Variants in SLC20A2 observed in about 807,000 individuals in gnomAD.
The protein encoded by SLC20A2 is sodium-dependent phosphate transporter 2.
A neutral mutation model predicts 61.0 loss-of-function variants in SLC20A2; 30 were observed. The ratio of observed to expected loss-of-function variants is 0.49; its 90% CI spans 0.37 to 0.67. The LOEUF is 0.67. Ranked by LOEUF, SLC20A2 falls within the 30% of genes least tolerant of loss-of-function variation. SLC20A2 has a pLI of 0.00. For synonymous variants in SLC20A2, 351 were observed against 353.3 expected, an observed-to-expected ratio of 0.99 and a Z score of 0.07; for missense variants, 626 against 866.4, an observed-to-expected ratio of 0.72 and a Z score of 3.48.
At chr8:42,474,168 C>T (rs1383032496) in intron 1 of SLC20A2, among the ~76,000 whole-genome samples, 4 of 151,858 alleles carry the variant, frequency 2.6e-5, no homozygotes, top group African/African-American at 9.7e-5. Context: ...GAGACTCCAT[C>T]TCAAAAATAA....
At chr8:42,421,364 A>G (rs1803024702) in intron 10 of SLC20A2, among the ~76,000 whole-genome samples, 1 of 152,084 alleles carries the variant, frequency 6.6e-6, no homozygotes, top group Non-Finnish European at 1.5e-5. Flanking sequence ...ATTCTGAGAT[A>G]ACTTTTATTT....
At chr8:42,538,135 A>C (rs1335911727) in intron 1 of SLC20A2, 2 of 151,932 alleles carry the variant, frequency 1.3e-5, no homozygotes, top group Non-Finnish European at 2.9e-5. Context: ...ACTAAAATAT[A>C]ACCTACCATT....
chr8:42,417,876 G>A lies in SLC20A2; in HGVS notation c.1886C>T (p.Thr629Ile). The A allele has an allele frequency of 6.2e-7, 1 of 1,614,108 alleles. No individual in the cohort carries two copies. The highest frequency in any genetic ancestry group is 8.5e-7 in the Non-Finnish European group (1 of 1,180,024). ...FRNIFVAWFVTVPVAGLFSAA... is the reference protein window; with the variant it reads ...FRNIFVAWFVIVPVAGLFSAA... ...GCTGAACAGCCCAGCCACAGGGACG[G>A]TCACGAACCAGGCCACGAAGATGTT... The change falls in exon 11 of 11, where the codon ACC (threonine) becomes ATC (isoleucine). Residue 629 changes from threonine (T) to isoleucine (I), a missense_variant. This residue lies in a region of SLC20A2 where 138 missense variants were observed against 228.7 expected (regional missense o/e 0.60). Transcript: ENST00000520262.
At chr8:42,458,866 G>A (rs969095815) in intron 5 of SLC20A2, among the ~76,000 whole-genome samples, 3 of 148,330 alleles carry the variant, frequency 2.0e-5, no homozygotes, top group East Asian at 2.0e-4. Flanking sequence ...CCAAGATAGC[G>A]CCACTGCACT....
chr8:42,535,061 C>T (rs1240489840), intron 1 of SLC20A2: 1 of 152,186 alleles, frequency 6.6e-6, no homozygotes, highest in African/African-American at 2.4e-5. Flanking sequence ...TTCAGCTGCT[C>T]AAAAATCCTC....
At position 42,444,801 on chromosome 8, in the gene SLC20A2, C is replaced by T. The variant is rs749265269; in HGVS notation, c.614-39G>A. The T allele has an allele frequency of 1.4e-5, 22 of 1,527,972 alleles. No homozygotes were observed. In the South Asian group the frequency reaches 2.5e-4, roughly 17 times the overall value. 94.7% of individuals were successfully genotyped at this position (1,527,972 alleles called of 1,614,324 possible). On this transcript the variant is annotated intron_variant, in intron 5 of 10. Coordinates refer to ENST00000520262, the MANE Select transcript of SLC20A2 (RefSeq NM_001257180.2). ...TGAGAAGCAGTGTCATTACTGGAAA[C>T]TTCTGCAAGGTCAGGCCTCAGGGCG... is the stretch of plus-strand genomic sequence containing the variant.
intron 1 of SLC20A2, among the ~76,000 whole-genome samples, chr8:42,523,710 C>G (rs1433599452): frequency 6.6e-6 from 1 of 152,128 alleles, no homozygotes; most frequent in Non-Finnish European, 1.5e-5. Flanking sequence ...AAAACAAATG[C>G]AAAATCAACA....
chr8:42,535,658 T>G (rs1168523921), intron 1 of SLC20A2, among the ~76,000 whole-genome samples: 1 of 152,248 alleles, frequency 6.6e-6, no homozygotes, highest in African/African-American at 2.4e-5. Context: ...TAAATCTTGG[T>G]ACCACTGAAC....
At chr8:42,448,122 G>A (rs554478904) in intron 5 of SLC20A2, among the ~76,000 whole-genome samples, 18 of 152,188 alleles carry the variant, frequency 1.2e-4, no homozygotes, top group South Asian at 6.2e-4. Context: ...CTTTACCAAC[G>A]TCAAACTAAC....
intron 5 of SLC20A2, among the ~76,000 whole-genome samples, chr8:42,455,241 A>AATATAT (rs71548582): frequency 7.2e-4 from 74 of 102,554 alleles, no homozygotes; most frequent in African/African-American, 3.4e-3. Flanking sequence ...AAAAAAAAAA[A>AATATAT]ATATATATAT....
intron 5 of SLC20A2, among the ~76,000 whole-genome samples, chr8:42,452,652 AGAG>A (rs1805834413): frequency 6.7e-6 from 1 of 149,478 alleles, no homozygotes; most frequent in Non-Finnish European, 1.5e-5. Context: ...GAAGAGATAA[AGAG>A]GAGGAGACAG....
chr8:42,524,733 C>T (rs1057205328), intron 1 of SLC20A2, among the ~76,000 whole-genome samples: 6 of 151,784 alleles, frequency 4.0e-5, no homozygotes, highest in African/African-American at 1.5e-4. Context: ...TTACAGTGAG[C>T]CAAGACTGTG....
intron 5 of SLC20A2, among the ~76,000 whole-genome samples, chr8:42,449,128 C>T (rs1026717386): frequency 6.6e-6 from 1 of 152,110 alleles, no homozygotes; most frequent in South Asian, 2.1e-4. Flanking sequence ...TGGTACGGAT[C>T]TCGAATTGTT....
At position 42,527,497 on chromosome 8, in the gene SLC20A2, G is replaced by A. The variant is rs116952451; in HGVS notation, c.-265+14324C>T. 1.6e-3 allele frequency among the ~76,000 whole-genome samples: 248 copies of A among 152,172 alleles called. 7 individuals carry two copies. In the East Asian group the frequency reaches 0.04, roughly 24 times the overall value. ...GTTCATTTTTAAAAATGGGGAAAAGGCCGGATGCAGTGGCTCACACCTGTA... is the reference window on the plus strand; with the variant it reads ...GTTCATTTTTAAAAATGGGGAAAAGACCGGATGCAGTGGCTCACACCTGTA... On this transcript the variant is annotated intron_variant, in intron 1 of 10. Transcript: ENST00000342228.
intron 1 of SLC20A2, among the ~76,000 whole-genome samples, chr8:42,517,412 T>A (rs1191902142): frequency 6.0e-5 from 9 of 150,646 alleles, no homozygotes; most frequent in Admixed American, 4.0e-4. Context: ...AAGTAATAAA[T>A]AAAAATGTGC....
chr8:42,541,123 C>T (rs1813098549), intron 1 of SLC20A2: 1 of 152,168 alleles, frequency 6.6e-6, no homozygotes, highest in East Asian at 1.9e-4. Flanking sequence ...CCTGGTGGGA[C>T]AATGTACACG....
intron 7 of SLC20A2, among the ~76,000 whole-genome samples, chr8:42,438,099 A>C (rs552756934): frequency 6.6e-6 from 1 of 150,416 alleles, no homozygotes; most frequent in South Asian, 2.1e-4. Flanking sequence ...ACATGGAAAC[A>C]TACAACAAAA....
chr8:42,448,696 G>A (rs1368343203), intron 5 of SLC20A2, among the ~76,000 whole-genome samples: 1 of 152,188 alleles, frequency 6.6e-6, no homozygotes, highest in Non-Finnish European at 1.5e-5. Context: ...ATCACCCAGG[G>A]GAAGTGGTGG....
Position 42,472,484 on chromosome 8 carries a change from G to A in SLC20A2, c.-94C>T. ...AAACTTCGTAAGGCCAAGAGTTCTT[G>A]TAAACAGTGAGTTTGCTCTGGAAAG... On this transcript the variant is annotated 5_prime_UTR_variant, in exon 2 of 11. Coordinates refer to ENST00000520262, the MANE Select transcript of SLC20A2 (RefSeq NM_001257180.2). This position sits in a 1 kb window ranked among gnomAD's most constrained non-coding sequence, Gnocchi z 4.1. 8.6e-7 allele frequency: 1 copy of A among 1,158,474 alleles called. No individual in the cohort carries two copies. Among genetic ancestry groups the A allele is most frequent in the Non-Finnish European group, 1.2e-6 (1 of 820,924 alleles). The allele number at this position is 1,158,474 out of a possible 1,614,324, so 71.8% of individuals were successfully genotyped here.
Sources: gnomAD v4.1 joint callset for allele counts (sites outside exome capture counted in the v4.1 genomes callset) on GRCh38, gnomAD v4.1.1 for gene constraint, gnomAD v4.1.1 regional missense constraint, Gnocchi (gnomAD v3.1) non-coding constraint, MANE v1.5 for transcripts, NCBI Gene and HGNC (gene_info 2026-07-23, HGNC 2026-07-21) for gene names.